KLF3: variants seen among roughly 807,000 people sequenced by gnomAD.
KLF3 encodes KLF transcription factor 3.
In KLF3, 6 loss-of-function variants were observed where a neutral mutation model predicts 32.7. That is an observed-to-expected ratio of 0.18 (90% CI 0.10 to 0.36). KLF3 has a LOEUF of 0.36. Among genes scored for constraint, KLF3 ranks in the 10% least tolerant of loss-of-function variants. The pLI, the probability that KLF3 is intolerant of heterozygous loss-of-function variation, is 1.00. For missense variants in KLF3, 338 were observed against 449.7 expected (o/e 0.75, Z 2.25); for synonymous variants, 145 against 172.8 (o/e 0.84, Z 1.26).
intron 1 of KLF3, among the ~76,000 whole-genome samples, chr4:38,679,498 A>G (rs1423719489): frequency 5.3e-5 from 8 of 152,330 alleles, no homozygotes; most frequent in Non-Finnish European, 1.0e-4. Flanking sequence ...GCTTTGGGAA[A>G]TGTATATACT....
Position 38,698,309 on chromosome 4 carries a change from C to T in KLF3, c.*1046C>T, listed in dbSNP as rs1560421913. 6.6e-6 allele frequency: 1 copy of T among 152,564 alleles called. No homozygotes were observed. Among genetic ancestry groups the T allele is most frequent in the African/African-American group, 2.4e-5 (1 of 41,426 alleles). The allele number at this position is 152,564 out of a possible 1,614,324, so 9.5% of individuals were successfully genotyped here. ...ATCTGCTTATAGCTTTTTTTGTAAA[C>T]AGGGAAATGTTGAGTGGTACTTGTA... On this transcript the variant is annotated 3_prime_UTR_variant, in exon 6 of 6. Transcript: ENST00000261438.
chr4:38,701,482 T>C lies in KLF3; in HGVS notation c.*4219T>C, dbSNP rs1198197611. On this transcript the variant is annotated 3_prime_UTR_variant, in exon 6 of 6. Coordinates refer to ENST00000261438, the MANE Select transcript of KLF3 (RefSeq NM_016531.6). ...GAGTGGGGAACGAGGAACAGAACAA[T>C]AACGCATTAAAGTAAATAACTCTGG... Among the ~76,000 whole-genome samples, 2 of 152,196 alleles carry C rather than the reference T, an allele frequency of 1.3e-5. No individual in the cohort carries two copies. Among genetic ancestry groups the C allele is most frequent in the Non-Finnish European group, 2.9e-5 (2 of 68,026 alleles).
At chr4:38,666,378 C>CT (rs1159253350) in intron 1 of KLF3, among the ~76,000 whole-genome samples, 20 of 150,058 alleles carry the variant, frequency 1.3e-4, no homozygotes, top group African/African-American at 2.2e-4. Context: ...TCTTTTTTTC[C>CT]TTTTTTTTTC....
At chr4:38,689,587 C>T (rs1361485080) in intron 3 of KLF3, 142 bp from the exon 4 acceptor site, 6 of 604,900 alleles carry the variant, frequency 9.9e-6, no homozygotes, top group Middle Eastern at 3.6e-4. Context: ...GAGAATCTCC[C>T]ACAGATTTGT....
At chr4:38,691,993 G>A (rs1013300665) in intron 4 of KLF3, among the ~76,000 whole-genome samples, 4 of 152,164 alleles carry the variant, frequency 2.6e-5, no homozygotes, top group Non-Finnish European at 5.9e-5. Context: ...CGATTGTGGT[G>A]TGGCAACTTT....
intron 1 of KLF3, among the ~76,000 whole-genome samples, chr4:38,676,813 T>A (rs1370995615): frequency 1.3e-5 from 2 of 152,194 alleles, no homozygotes; most frequent in Non-Finnish European, 2.9e-5. Flanking sequence ...ATTCCTTCTT[T>A]GTTTATTAAC....
intron 1 of KLF3, among the ~76,000 whole-genome samples, chr4:38,678,966 A>G (rs1722438472): frequency 6.6e-6 from 1 of 152,358 alleles, no homozygotes; most frequent in African/African-American, 2.4e-5. Flanking sequence ...GAGGAGACAC[A>G]TTTGAACATT....
At chr4:38,665,275 G>A (rs566457741) in intron 1 of KLF3, among the ~76,000 whole-genome samples, 43 of 152,088 alleles carry the variant, frequency 2.8e-4, no homozygotes, top group Non-Finnish European at 5.3e-4. Flanking sequence ...GGCGGAAGAC[G>A]CCTTAGGCAA....
intron 1 of KLF3, among the ~76,000 whole-genome samples, chr4:38,668,612 C>T (rs529814590): frequency 6.6e-6 from 1 of 152,174 alleles, no homozygotes; most frequent in African/African-American, 2.4e-5. Flanking sequence ...GGAAAAGCAG[C>T]TGGAAATACT....
rs375864674 is a variant in KLF3, at chr4:38,688,561, C to T, written c.58-24C>T. The T allele has an allele frequency of 4.3e-5, 66 of 1,551,654 alleles. No individual in the cohort carries two copies. The highest frequency in any genetic ancestry group is 1.7e-4 in the African/African-American group (12 of 72,534). ...AAATGGACTTATTTGGCTGTTGACA[C>T]GTTTTCCTTTTCTTTTCTAATAGTC... On this transcript the variant is annotated intron_variant, in intron 2 of 5. Transcript: ENST00000261438. This position sits in a 1 kb window ranked among gnomAD's most constrained non-coding sequence, Gnocchi z 4.9.
chr4:38,672,268 C>A (rs958424755), intron 1 of KLF3, among the ~76,000 whole-genome samples: 2 of 152,212 alleles, frequency 1.3e-5, no homozygotes, highest in Admixed American at 1.3e-4. Context: ...GACATAAAAA[C>A]TTCATTCAGG....
intron 4 of KLF3, among the ~76,000 whole-genome samples, chr4:38,691,114 T>C (rs147995788): frequency 0.014 from 2,061 of 152,284 alleles, 14 homozygotes; most frequent in South Asian, 0.025. Context: ...TCCCAGGTGT[T>C]TTCAAAGGAA....
rs759968915 is a variant in KLF3 at position 38,697,067 on chromosome 4, T to A, written c.857-15T>A. The A allele has an allele frequency of 2.2e-5, 35 of 1,562,752 alleles. No individual in the cohort carries two copies. In the Admixed American group the frequency reaches 4.1e-4, roughly 18 times the overall value. ...ACAGAAAAAAAAAATAGCTCTTTTC[T>A]TTTTCCTTTTGCAGGAGAAAAACCC... On this transcript the variant is annotated splice_polypyrimidine_tract_variant and intron_variant, in intron 5 of 5. Coordinates refer to ENST00000261438, the MANE Select transcript of KLF3 (RefSeq NM_016531.6).
chr4:38,697,247 G>A lies in KLF3; in HGVS notation c.1022G>A (p.Arg341His). 3 of 1,612,044 alleles carry A rather than the reference G, an allele frequency of 1.9e-6. No individual in the cohort carries two copies. The highest frequency in any genetic ancestry group is 1.1e-5 in the South Asian group (1 of 90,830). ...RSDHLALHRK[R>H]HMLV is the part of the protein sequence containing the mutation. The stretch of plus-strand genomic sequence containing the variant: ...GACCATCTTGCCCTCCATAGGAAAC[G>A]CCACATGCTAGTCTGATTGCCTCTG... Residue 341 changes from arginine to histidine, a missense_variant, in exon 6 of 6, where the codon CGC becomes CAC. Physicochemically the swap from Arg to His is conservative, Grantham distance 29. Around this residue, in one of 2 missense-constraint regions of KLF3, gnomAD observed 66 missense variants for 136.2 expected, o/e 0.48. Coordinates refer to ENST00000261438, the MANE Select transcript of KLF3 (RefSeq NM_016531.6).
At chr4:38,680,840 C>T (rs1452466362) in intron 2 of KLF3, 158 bp downstream of exon 2, 5 of 539,790 alleles carry the variant, frequency 9.3e-6, no homozygotes, top group South Asian at 5.4e-5. Context: ...CACCTGAGGT[C>T]GGGAGTTTGA....
At chr4:38,683,101 G>A (rs1020783233) in intron 2 of KLF3, among the ~76,000 whole-genome samples, 2 of 152,100 alleles carry the variant, frequency 1.3e-5, no homozygotes, top group Admixed American at 6.5e-5. Context: ...CTTCATAGGT[G>A]AAGTATATTG....
chr4:38,672,435 A>T (rs997543207), intron 1 of KLF3, among the ~76,000 whole-genome samples: 1 of 152,068 alleles, frequency 6.6e-6, no homozygotes, highest in African/African-American at 2.4e-5. Flanking sequence ...GCGGCCTTGG[A>T]TCCCCCAGGG....
At chr4:38,681,755 A>G (rs1722531158) in intron 2 of KLF3, among the ~76,000 whole-genome samples, 1 of 152,180 alleles carries the variant, frequency 6.6e-6, no homozygotes. Flanking sequence ...CAAGGGGGAA[A>G]ACTTGGCCCG....
intron 1 of KLF3, among the ~76,000 whole-genome samples, chr4:38,670,102 G>A (rs1160100976): frequency 6.6e-6 from 1 of 152,088 alleles, no homozygotes; most frequent in African/African-American, 2.4e-5. Flanking sequence ...ACTCCATTGT[G>A]TCGGCAGGCT....
Sources: gnomAD v4.1 joint callset for allele counts (sites outside exome capture counted in the v4.1 genomes callset) on GRCh38, gnomAD v4.1.1 for gene constraint, gnomAD v4.1.1 regional missense constraint, Gnocchi (gnomAD v3.1) non-coding constraint, MANE v1.5 for transcripts, NCBI Gene and HGNC (gene_info 2026-07-23, HGNC 2026-07-21) for gene names.